ZNF808: variants seen among roughly 807,000 people sequenced by gnomAD.
The protein encoded by ZNF808 is zinc finger protein 808.
ZNF808 carries 5 observed loss-of-function variants against 8.7 expected under a neutral mutation model. That is an observed-to-expected ratio of 0.58 (90% CI 0.30 to 1.21). ZNF808 has a LOEUF of 1.21. Ranked by LOEUF, ZNF808 falls within the 50% of genes most tolerant of loss-of-function variation. The probability of loss-of-function intolerance (pLI) is 0.07; values close to 1 mark genes in which losing one functional copy is unlikely to be tolerated. For synonymous variants in ZNF808, 380 were observed against 366.0 expected (o/e 1.04, Z -0.44); for missense variants, 1,103 against 1,098.4 (o/e 1.00, Z -0.06).
chr19:52,547,567 T>G lies in ZNF808; in HGVS notation c.119T>G (p.Phe40Cys), dbSNP rs771448439. The change falls in exon 4 of 5, where the codon TTC becomes TGC. Residue 40 changes from phenylalanine to cysteine, a missense_variant. Physicochemically the swap from Phe to Cys is radical, Grantham distance 205. Transcript: ENST00000359798. ...GAATTCTCATTGGCAGAGTGGAAAT[T>G]CCTGAACCCTGCACAGAGGGCTTTG... ...AIEFSLAEWKFLNPAQRALYR... is the reference protein window; with the variant it reads ...AIEFSLAEWKCLNPAQRALYR... 32 of 1,614,054 alleles carry G rather than the reference T, an allele frequency of 2.0e-5. No individual in the cohort carries two copies. The highest frequency in any genetic ancestry group is 5.0e-5 in the Admixed American group (3 of 60,000).
chr19:52,528,861 G>A (rs1490623064), intron 1 of ZNF808, among the ~76,000 whole-genome samples: 2 of 151,994 alleles, frequency 1.3e-5, no homozygotes, highest in South Asian at 4.1e-4. Flanking sequence ...ACGATTGAAA[G>A]ATTGGGGAGA....
chr19:52,539,561 T>G (rs1403730406), intron 2 of ZNF808, among the ~76,000 whole-genome samples: 1 of 141,978 alleles, frequency 7.0e-6, no homozygotes, highest in African/African-American at 2.6e-5. Context: ...TTTTTTTTTT[T>G]TTTTTTTTTT....
At chr19:52,552,395 T>C (rs1038806562) in intron 4 of ZNF808, among the ~76,000 whole-genome samples, 1 of 151,722 alleles carries the variant, frequency 6.6e-6, no homozygotes, top group Non-Finnish European at 1.5e-5. Flanking sequence ...TAGAAAAATA[T>C]TGTACTAACT....
At chr19:52,558,919 A>G (rs954147017), downstream of ZNF808, among the ~76,000 whole-genome samples, 1 of 152,244 alleles carries the variant, frequency 6.6e-6, no homozygotes, top group Non-Finnish European at 1.5e-5. Context: ...AACAAATGCT[A>G]GAAGACAGCG....
chr19:52,549,700 C>T (rs1048247964), intron 4 of ZNF808, among the ~76,000 whole-genome samples: 1 of 152,076 alleles, frequency 6.6e-6, no homozygotes, highest in Admixed American at 6.6e-5. Context: ...TGCTCTCCAC[C>T]CTTGCCCTTC....
chr19:52,543,616 A>T (rs1293843164), intron 3 of ZNF808, among the ~76,000 whole-genome samples: 1 of 152,188 alleles, frequency 6.6e-6, no homozygotes, highest in African/African-American at 2.4e-5. Flanking sequence ...AGACGTGGAT[A>T]AACATGGGGT....
chr19:52,551,587 T>G (rs2059776997), intron 4 of ZNF808, among the ~76,000 whole-genome samples: 1 of 152,182 alleles, frequency 6.6e-6, no homozygotes, highest in African/African-American at 2.4e-5. Context: ...GCTGTATAAA[T>G]GTACTTATTT....
chr19:52,542,097 A>AT (rs60838690), intron 2 of ZNF808, among the ~76,000 whole-genome samples: 7,287 of 146,064 alleles, frequency 0.05, 570 homozygotes, highest in African/African-American at 0.17. Context: ...ATCACTTCCA[A>AT]TTTTTTTTTT....
At chr19:52,546,914 T>A (rs58253486) in intron 3 of ZNF808, among the ~76,000 whole-genome samples, 1,903 of 151,174 alleles carry the variant, frequency 0.013, 37 homozygotes, top group African/African-American at 0.044. Context: ...AATGCTAGGA[T>A]TACAGGCGAG....
rs2059713966 is a variant in ZNF808 at position 52,545,716 on chromosome 19, T to G, written c.64-1796T>G. On this transcript the variant is annotated intron_variant, in intron 3 of 4. Coordinates refer to ENST00000359798, the MANE Select transcript of ZNF808 (RefSeq NM_001039886.4). ...TTGCTTGAACCTGGGTGGCACAGGTTGCAGTGAGCTGAGAGATTGTGCCAC... is the reference window on the plus strand; with the variant it reads ...TTGCTTGAACCTGGGTGGCACAGGTGGCAGTGAGCTGAGAGATTGTGCCAC... 2.0e-5 allele frequency among the ~76,000 whole-genome samples: 3 copies of G among 151,942 alleles called. No individual in the cohort carries two copies. In the South Asian group the frequency reaches 6.2e-4, roughly 31 times the overall value.
Position 52,555,726 on chromosome 19 carries a change from G to A in ZNF808, c.*98G>A. The A allele has an allele frequency of 1.3e-6, 2 of 1,507,434 alleles. No individual in the cohort carries two copies. The highest frequency in any genetic ancestry group is 1.8e-6 in the Non-Finnish European group (2 of 1,112,614). 93.4% of individuals were successfully genotyped at this position (1,507,434 alleles called of 1,614,324 possible). A position where few individuals can be genotyped will look rare whatever the true frequency, so the allele number is the denominator to read the frequency against. On this transcript the variant is annotated 3_prime_UTR_variant, in exon 5 of 5. Coordinates refer to ENST00000359798, the MANE Select transcript of ZNF808 (RefSeq NM_001039886.4). ...AAATCTTCTGAGTGTAATAAATGTG[G>A]CATGTTTTTCAGACATTGTTCATAC...
intron 3 of ZNF808, among the ~76,000 whole-genome samples, chr19:52,562,159 C>T (rs1027074160): frequency 3.3e-5 from 5 of 152,022 alleles, no homozygotes; most frequent in African/African-American, 9.7e-5. Flanking sequence ...TGGTGGATCA[C>T]CTGAGGTCAG....
At chr19:52,568,352 C>T (rs1280985774), downstream of ZNF808, among the ~76,000 whole-genome samples, 1 of 152,108 alleles carries the variant, frequency 6.6e-6, no homozygotes, top group African/African-American at 2.4e-5. Flanking sequence ...CCAGCCTGGG[C>T]GACAGAGCAG....
chr19:52,547,931 G>T (rs1051931468), intron 4 of ZNF808, among the ~76,000 whole-genome samples: 1 of 151,922 alleles, frequency 6.6e-6, no homozygotes, highest in African/African-American at 2.4e-5. Context: ...TGGACACAGG[G>T]TTTCTCCATG....
chr19:52,565,294 A>G (rs1424927825), downstream of ZNF808, among the ~76,000 whole-genome samples: 8 of 152,118 alleles, frequency 5.3e-5, no homozygotes, highest in African/African-American at 7.2e-5. Context: ...ATAAAAAACA[A>G]TATCAGTGTG....
intron 2 of ZNF808, among the ~76,000 whole-genome samples, chr19:52,538,457 G>A (rs1428662115): frequency 2.7e-5 from 4 of 150,594 alleles, no homozygotes; most frequent in East Asian, 2.0e-4. Context: ...ATTCTCCTGC[G>A]ATACTACCCC....
In ZNF808 at chr19:52,532,020, C is replaced by T. The variant is rs562868503; in HGVS notation, c.-121-888C>T. Among the ~76,000 whole-genome samples the T allele has an allele frequency of 3.3e-5, 5 of 152,226 alleles. No homozygotes were observed. In the South Asian group the frequency reaches 6.2e-4, roughly 19 times the overall value. ...TGAGAGAGAATTGTTTAGAATTCTG[C>T]AGGCTGTATAAATGTACTTATTATT... On this transcript the variant is annotated intron_variant, in intron 1 of 4. Coordinates refer to ENST00000359798, the MANE Select transcript of ZNF808 (RefSeq NM_001039886.4).
At chr19:52,532,062 C>T (rs2059566369) in intron 1 of ZNF808, among the ~76,000 whole-genome samples, 1 of 152,118 alleles carries the variant, frequency 6.6e-6, no homozygotes, top group African/African-American at 2.4e-5. Context: ...CTGGTTTTAT[C>T]ATGGGTTAGA....
chr19:52,538,596 T>C, intron 2 of ZNF808, among the ~76,000 whole-genome samples: 1 of 147,452 alleles, frequency 6.8e-6, no homozygotes, highest in Admixed American at 7.0e-5. Context: ...CCATTGTACT[T>C]CAGCGTGGGC....
Sources: allele counts gnomAD v4.1 joint callset (sites outside exome capture counted in the v4.1 genomes callset), GRCh38; gene constraint gnomAD v4.1.1; transcripts MANE v1.5; gene names NCBI Gene and HGNC (gene_info 2026-07-23, HGNC 2026-07-21).